Variants in ELOVL5 observed in about 807,000 individuals in gnomAD.
ELOVL5 encodes the protein ELOVL fatty acid elongase 5.
A neutral mutation model predicts 38.6 loss-of-function variants in ELOVL5; 8 were observed. That is an observed-to-expected ratio of 0.21 (90% CI 0.12 to 0.37). The LOEUF (loss-of-function observed/expected upper bound fraction) is 0.37, where lower values mean the gene tolerates loss of function less well. Ranked by LOEUF, ELOVL5 falls within the 10% of genes least tolerant of loss-of-function variation. The probability of loss-of-function intolerance (pLI) is 1.00; values close to 1 mark genes in which losing one functional copy is unlikely to be tolerated. For synonymous variants in ELOVL5, 127 were observed against 133.7 expected (o/e 0.95, Z 0.34); for missense variants, 280 against 367.8 (o/e 0.76, Z 1.95).
chr6:53,325,629 A>T (rs532097254), intron 1 of ELOVL5, among the ~76,000 whole-genome samples: 1 of 152,308 alleles, frequency 6.6e-6, no homozygotes, highest in African/African-American at 2.4e-5. Flanking sequence ...GCTTGGGACA[A>T]AGGGAGAGGC....
At chr6:53,338,457 T>G (rs1769178661) in intron 1 of ELOVL5, among the ~76,000 whole-genome samples, 1 of 152,182 alleles carries the variant, frequency 6.6e-6, no homozygotes, top group East Asian at 1.9e-4. Flanking sequence ...CCTAGAAACA[T>G]GAGGTCCTGG....
chr6:53,298,218 G>A (rs1767095451), intron 1 of ELOVL5, among the ~76,000 whole-genome samples: 1 of 152,160 alleles, frequency 6.6e-6, no homozygotes, highest in South Asian at 2.1e-4. Context: ...CCACTAGGCT[G>A]CATCCCAAAC....
intron 3 of ELOVL5, among the ~76,000 whole-genome samples, chr6:53,286,974 A>G (rs1314959788): frequency 6.6e-6 from 1 of 152,214 alleles, no homozygotes; most frequent in Non-Finnish European, 1.5e-5. Flanking sequence ...TTAAACAAAC[A>G]AACAAAAATC....
At chr6:53,272,824 T>C (rs1207712550) in intron 6 of ELOVL5, among the ~76,000 whole-genome samples, 1 of 152,200 alleles carries the variant, frequency 6.6e-6, no homozygotes, top group East Asian at 1.9e-4. Flanking sequence ...ACACATACCC[T>C]GGACTCCATA....
At chr6:53,287,756 C>A (rs373367237) in intron 3 of ELOVL5, 4 of 935,376 alleles carry the variant, frequency 4.3e-6, no homozygotes, top group Non-Finnish European at 6.6e-6. Context: ...CATAACAGAT[C>A]GGCTAAGAAA....
intron 1 of ELOVL5, among the ~76,000 whole-genome samples, chr6:53,342,991 G>A (rs747974622): frequency 2.6e-5 from 4 of 152,178 alleles, no homozygotes; most frequent in Non-Finnish European, 4.4e-5. Flanking sequence ...GAGCAAACAC[G>A]CCAGTGGGAA....
At chr6:53,297,920 T>A (rs750724535) in intron 1 of ELOVL5, among the ~76,000 whole-genome samples, 2 of 152,202 alleles carry the variant, frequency 1.3e-5, no homozygotes, top group Non-Finnish European at 2.9e-5. Flanking sequence ...GGTTTAGCCT[T>A]ATGTTTCGTA....
At chr6:53,343,214 CTTTCTTTA>C (rs1415068333) in intron 1 of ELOVL5, among the ~76,000 whole-genome samples, 3 of 123,096 alleles carry the variant, frequency 2.4e-5, no homozygotes, top group South Asian at 6.2e-4. Flanking sequence ...TCCTTTCCTT[CTTTCTTTA>C]TTTATTTTGG....
intron 1 of ELOVL5, among the ~76,000 whole-genome samples, chr6:53,316,591 G>T (rs1223204843): frequency 6.6e-6 from 1 of 151,884 alleles, no homozygotes; most frequent in Admixed American, 6.6e-5. Flanking sequence ...GCATCAGGTT[G>T]GTTAAAAAAA....
chr6:53,331,705 C>CA (rs1768811646), intron 1 of ELOVL5, among the ~76,000 whole-genome samples: 1 of 152,132 alleles, frequency 6.6e-6, no homozygotes, highest in Non-Finnish European at 1.5e-5. Context: ...ATCTAACACT[C>CA]AAAATATTTG....
chr6:53,273,176 T>A, intron 6 of ELOVL5, 44 bp downstream of exon 6: 2 of 1,609,974 alleles, frequency 1.2e-6, no homozygotes, highest in Non-Finnish European at 1.7e-6. Context: ...GAGGTCTGTA[T>A]CCACCAGGAA....
chr6:53,287,265 A>C (rs1386446756), intron 3 of ELOVL5, among the ~76,000 whole-genome samples: 2 of 152,236 alleles, frequency 1.3e-5, no homozygotes, highest in Non-Finnish European at 2.9e-5. Flanking sequence ...AGATACTCAA[A>C]AAATAATCTT....
chr6:53,291,973 T>TAA lies in ELOVL5; in HGVS notation c.59-12_59-11dup. ...CCTTTTACTCTAGTATCTGAAAAAT[T>TAA]AAAAAAAATTAATGATATATAAAAA... On this transcript the variant is annotated splice_polypyrimidine_tract_variant and intron_variant, in intron 2 of 7. Transcript: ENST00000304434. 7.0e-7 allele frequency: 1 copy of TAA among 1,436,452 alleles called. No homozygotes were observed. The highest frequency in any genetic ancestry group is 1.5e-5 in the African/African-American group (1 of 68,540). 89.0% of individuals were successfully genotyped at this position (1,436,452 alleles called of 1,614,324 possible).
At chr6:53,318,999 G>A (rs1768167281) in intron 1 of ELOVL5, among the ~76,000 whole-genome samples, 1 of 151,878 alleles carries the variant, frequency 6.6e-6, no homozygotes, top group Non-Finnish European at 1.5e-5. Context: ...TATCTGATCT[G>A]CAGGCCGGGT....
In ELOVL5 at chr6:53,307,817, CT is replaced by C. The variant is rs554548840; in HGVS notation, c.-8-12111del. Reference sequence around the variant, plus strand: ...AGAAATAAATCTGCATCTGATAAGCCTTTTTTTTTGTACTCCTGGCAACTAG... The same window carrying C: ...AGAAATAAATCTGCATCTGATAAGCCTTTTTTTTGTACTCCTGGCAACTAG... On this transcript the variant is annotated intron_variant, in intron 1 of 7. Transcript: ENST00000304434. Among the ~76,000 whole-genome samples, 660 of 151,330 alleles carry C rather than the reference CT, an allele frequency of 4.4e-3. 8 individuals carry two copies. The highest frequency in any genetic ancestry group is 0.015 in the African/African-American group (637 of 41,218).
At chr6:53,312,742 A>T (rs209488) in intron 1 of ELOVL5, among the ~76,000 whole-genome samples, 60,104 of 152,060 alleles carry the variant, frequency 0.4, 14,101 homozygotes, top group East Asian at 0.58. Context: ...TCAATTTTTT[A>T]AAAAAATCTA....
intron 1 of ELOVL5, among the ~76,000 whole-genome samples, chr6:53,315,677 A>C (rs1768001825): frequency 6.6e-6 from 1 of 152,190 alleles, no homozygotes; most frequent in South Asian, 2.1e-4. Flanking sequence ...ATCTGATTAA[A>C]GCAAAAGGGA....
At chr6:53,317,060 C>G (rs894945021) in intron 1 of ELOVL5, among the ~76,000 whole-genome samples, 11 of 152,154 alleles carry the variant, frequency 7.2e-5, no homozygotes, top group African/African-American at 2.4e-4. Flanking sequence ...CATCCTTAAG[C>G]TACGACCTAA....
intron 1 of ELOVL5, among the ~76,000 whole-genome samples, chr6:53,329,684 C>T (rs773068216): frequency 1.3e-5 from 2 of 151,986 alleles, no homozygotes; most frequent in Admixed American, 1.3e-4. Context: ...ATTAGCCGGG[C>T]ATGGTAGTAG....
Sources: gnomAD v4.1 joint callset for allele counts (sites outside exome capture counted in the v4.1 genomes callset) on GRCh38, gnomAD v4.1.1 for gene constraint, MANE v1.5 for transcripts, NCBI Gene and HGNC (gene_info 2026-07-23, HGNC 2026-07-21) for gene names.